TAFA1: variants seen among roughly 807,000 people sequenced by gnomAD.
The protein encoded by TAFA1 is chemokine-like protein TAFA-1.
Under a neutral mutation model 18.5 loss-of-function variants are expected in TAFA1, and 4 were observed. The observed-to-expected ratio is 0.22, with a 90% CI of 0.11 to 0.49. The LOEUF is 0.49. Ranked by LOEUF, TAFA1 falls within the 20% of genes least tolerant of loss-of-function variation. The pLI, the probability that TAFA1 is intolerant of heterozygous loss-of-function variation, is 0.98. For missense variants in TAFA1, 147 were observed against 169.0 expected, an observed-to-expected ratio of 0.87 and a Z score of 0.72; for synonymous variants, 56 against 55.2, an observed-to-expected ratio of 1.01 and a Z score of -0.06.
intron 3 of TAFA1, among the ~76,000 whole-genome samples, chr3:68,444,618 C>T (rs2071441912): frequency 6.6e-6 from 1 of 151,828 alleles, no homozygotes; most frequent in African/African-American, 2.4e-5. Context: ...AATGCTGCTG[C>T]TAGCTCTTCT....
At chr3:68,141,450 G>A (rs2065666108) in intron 2 of TAFA1, among the ~76,000 whole-genome samples, 1 of 152,152 alleles carries the variant, frequency 6.6e-6, no homozygotes, top group South Asian at 2.1e-4. Flanking sequence ...GTCAGCAAGT[G>A]CAGTGGATGC....
intron 2 of TAFA1, among the ~76,000 whole-genome samples, chr3:68,139,908 T>C (rs774727040): frequency 3.3e-5 from 5 of 152,218 alleles, no homozygotes; most frequent in Non-Finnish European, 5.9e-5. Flanking sequence ...TATTGGGTAA[T>C]GTCAAAGAAC....
At chr3:68,019,066 C>A (rs1224259414) in intron 2 of TAFA1, among the ~76,000 whole-genome samples, 2 of 152,218 alleles carry the variant, frequency 1.3e-5, no homozygotes, top group Admixed American at 6.5e-5. Flanking sequence ...CCATTACAAA[C>A]AAGTACTACT....
intron 2 of TAFA1, among the ~76,000 whole-genome samples, chr3:68,322,915 C>T (rs1386503511): frequency 6.6e-6 from 1 of 152,086 alleles, no homozygotes; most frequent in Non-Finnish European, 1.5e-5. Flanking sequence ...TGCACTCCAG[C>T]CTGGGGGACA....
chr3:68,407,117 A>T (rs1483385740), intron 2 of TAFA1, among the ~76,000 whole-genome samples: 2 of 152,162 alleles, frequency 1.3e-5, no homozygotes, highest in African/African-American at 4.8e-5. Context: ...GTAGAAAGGT[A>T]AGAGTGAGGA....
chr3:68,353,694 G>A (rs754628267), intron 2 of TAFA1, among the ~76,000 whole-genome samples: 10 of 152,034 alleles, frequency 6.6e-5, no homozygotes, highest in South Asian at 2.1e-4. Flanking sequence ...CAGCAGAGGA[G>A]CAAGGTCAGT....
intron 2 of TAFA1, among the ~76,000 whole-genome samples, chr3:68,128,356 A>G (rs62245932): frequency 0.086 from 13,017 of 152,228 alleles, 659 homozygotes; most frequent in South Asian, 0.18. Context: ...GAAATTGTTC[A>G]CAGATCCTGA....
At chr3:68,073,853 C>A (rs1476524804) in intron 2 of TAFA1, among the ~76,000 whole-genome samples, 2 of 152,040 alleles carry the variant, frequency 1.3e-5, no homozygotes, top group African/African-American at 4.8e-5. Context: ...GGTCTCCAAC[C>A]TTTTTGGCAC....
At chr3:68,070,896 G>A (rs1484033355) in intron 2 of TAFA1, among the ~76,000 whole-genome samples, 1 of 152,168 alleles carries the variant, frequency 6.6e-6, no homozygotes, top group Non-Finnish European at 1.5e-5. Context: ...ACCTTGGTCA[G>A]GATTTCATTG....
chr3:68,458,540 G>T (rs779094618), intron 3 of TAFA1, among the ~76,000 whole-genome samples: 2 of 152,138 alleles, frequency 1.3e-5, no homozygotes, highest in Non-Finnish European at 2.9e-5. Context: ...TAAGCAGTCT[G>T]TCCAAAGTCA....
At chr3:68,087,544 TTCCCTCCCTCCTTCCC>T (rs1559515442) in intron 2 of TAFA1, among the ~76,000 whole-genome samples, 1 of 86,866 alleles carries the variant, frequency 1.2e-5, no homozygotes, top group Admixed American at 1.6e-4. Context: ...CCCTCCCTCC[TTCCCTCCCTCCTTCCC>T]TCCCTCCCTC....
intron 2 of TAFA1, among the ~76,000 whole-genome samples, chr3:68,010,113 C>G (rs1283274296): frequency 6.6e-6 from 1 of 152,168 alleles, no homozygotes; most frequent in Non-Finnish European, 1.5e-5. Context: ...TACCAAGTAT[C>G]TGGGAAATGT....
intron 2 of TAFA1, among the ~76,000 whole-genome samples, chr3:68,043,946 C>T (rs1453859150): frequency 1.3e-5 from 2 of 151,958 alleles, no homozygotes; most frequent in African/African-American, 4.8e-5. Flanking sequence ...AAGAAAAATT[C>T]ATTTCTGTTT....
intron 2 of TAFA1, among the ~76,000 whole-genome samples, chr3:68,180,588 G>A (rs2066186123): frequency 6.6e-6 from 1 of 152,180 alleles, no homozygotes; most frequent in African/African-American, 2.4e-5. Context: ...GTCAGTAGGA[G>A]GTGAGTAGTG....
chr3:68,168,321 A>G (rs1365313973), intron 2 of TAFA1, among the ~76,000 whole-genome samples: 1 of 152,200 alleles, frequency 6.6e-6, no homozygotes, highest in Non-Finnish European at 1.5e-5. Flanking sequence ...TGTGCTATGA[A>G]TCAAGTTCAA....
intron 2 of TAFA1, among the ~76,000 whole-genome samples, chr3:68,060,721 C>T (rs1157164594): frequency 2.0e-5 from 3 of 152,036 alleles, no homozygotes; most frequent in East Asian, 1.9e-4. Flanking sequence ...ATGGATGTCA[C>T]GTACATATAC....
intron 3 of TAFA1, among the ~76,000 whole-genome samples, chr3:68,526,062 A>G (rs2073107492): frequency 6.6e-6 from 1 of 152,204 alleles, no homozygotes; most frequent in African/African-American, 2.4e-5. Context: ...TTCTAAGGCA[A>G]TAGGTGAGTT....
chr3:68,302,251 C>G (rs954339789), intron 2 of TAFA1, among the ~76,000 whole-genome samples: 1 of 152,110 alleles, frequency 6.6e-6, no homozygotes, highest in Non-Finnish European at 1.5e-5. Context: ...AGTCCAGTGA[C>G]CTCTAACTGC....
At chr3:68,064,792 GTTGTC>G (rs1302784848) in intron 2 of TAFA1, among the ~76,000 whole-genome samples, 2 of 151,766 alleles carry the variant, frequency 1.3e-5, no homozygotes, top group Admixed American at 1.3e-4. Flanking sequence ...TAATGATAAA[GTTGTC>G]TTGTGTTGTA....
Sources: gnomAD v4.1 joint callset for allele counts (sites outside exome capture counted in the v4.1 genomes callset) on GRCh38, gnomAD v4.1.1 for gene constraint, MANE v1.5 for transcripts, NCBI Gene and HGNC (gene_info 2026-07-23, HGNC 2026-07-21) for gene names.